Variants in EYS observed in about 807,000 individuals in gnomAD.
EYS encodes protein eyes shut homolog.
In EYS, 250 loss-of-function variants were observed where a neutral mutation model predicts 282.1. The observed-to-expected ratio is 0.89, with a 90% CI of 0.80 to 0.98. The LOEUF is 0.98. Among genes scored for constraint, EYS ranks in the 50% least tolerant of loss-of-function variants. The pLI, the probability that EYS is intolerant of heterozygous loss-of-function variation, is 0.00. For synonymous variants in EYS, 1,355 were observed against 1,282.9 expected, an observed-to-expected ratio of 1.06 and a Z score of -1.20; for missense variants, 4,016 against 3,709.0, an observed-to-expected ratio of 1.08 and a Z score of -2.15.
chr6:64,431,585 A>G (rs1028736307), intron 28 of EYS, among the ~76,000 whole-genome samples: 1 of 152,064 alleles, frequency 6.6e-6, no homozygotes, highest in Non-Finnish European at 1.5e-5. Flanking sequence ...AGGTTAGCCT[A>G]CCCTATTAAG....
chr6:64,457,514 T>C (rs967671046), intron 26 of EYS, among the ~76,000 whole-genome samples: 5 of 152,050 alleles, frequency 3.3e-5, no homozygotes, highest in African/African-American at 9.6e-5. Context: ...TTCGTATCTA[T>C]TGATATTTTC....
intron 8 of EYS, among the ~76,000 whole-genome samples, chr6:65,357,915 G>T (rs1042769177): frequency 1.3e-5 from 2 of 151,834 alleles, no homozygotes; most frequent in East Asian, 1.9e-4. Context: ...TGAGTCAAAC[G>T]TTATTTGTAT....
At chr6:64,986,176 G>T (rs1347302596) in intron 14 of EYS, among the ~76,000 whole-genome samples, 2 of 151,196 alleles carry the variant, frequency 1.3e-5, no homozygotes, top group Non-Finnish European at 3.0e-5. Flanking sequence ...TATAAGAAAA[G>T]AATAACGATT....
chr6:64,689,887 T>G lies in EYS; in HGVS notation c.3444-63642A>C, dbSNP rs749139531. 4.5e-4 allele frequency among the ~76,000 whole-genome samples: 68 copies of G among 152,240 alleles called. 1 individual carries two copies. The highest frequency in any genetic ancestry group is 8.1e-4 in the Non-Finnish European group (55 of 68,026). On this transcript the variant is annotated intron_variant, in intron 22 of 42. Transcript: ENST00000503581. ...ACCATAAAAACGCTGGAAGAAAACC[T>G]AAGCAATACCATTCAGGACACAGGC...
At chr6:65,442,916 A>G (rs937728621) in intron 5 of EYS, among the ~76,000 whole-genome samples, 1 of 109,780 alleles carries the variant, frequency 9.1e-6, no homozygotes, top group Non-Finnish European at 2.3e-5. Context: ...ACATGCACAT[A>G]CATATGTACA....
intron 35 of EYS, among the ~76,000 whole-genome samples, chr6:63,905,384 CG>C (rs1226420709): frequency 7.2e-6 from 1 of 139,382 alleles, no homozygotes; most frequent in African/African-American, 2.7e-5. Flanking sequence ...GGCTGGAGTG[CG>C]GTGGCACAAT....
intron 5 of EYS, among the ~76,000 whole-genome samples, chr6:65,407,931 T>C (rs950437105): frequency 6.6e-6 from 1 of 152,118 alleles, no homozygotes; most frequent in Non-Finnish European, 1.5e-5. Flanking sequence ...ACATTTGTCA[T>C]AGATGCTTTT....
intron 26 of EYS, among the ~76,000 whole-genome samples, chr6:64,579,017 AG>A (rs1765978343): frequency 6.6e-6 from 1 of 152,156 alleles, no homozygotes; most frequent in South Asian, 2.1e-4. Context: ...TCTATGTACA[AG>A]TGACTTACAT....
intron 2 of EYS, among the ~76,000 whole-genome samples, chr6:65,611,008 C>T (rs1765979799): frequency 6.6e-6 from 1 of 151,950 alleles, no homozygotes; most frequent in Non-Finnish European, 1.5e-5. Context: ...GCAATGTACT[C>T]ATATAAATTT....
intron 31 of EYS, among the ~76,000 whole-genome samples, chr6:64,102,630 G>A (rs550532184): frequency 2.6e-5 from 4 of 152,074 alleles, no homozygotes; most frequent in African/African-American, 7.2e-5. Flanking sequence ...ATCAAAATGA[G>A]TTTAGTATTT....
chr6:65,361,481 G>A (rs983955549), intron 8 of EYS, among the ~76,000 whole-genome samples: 17 of 117,710 alleles, frequency 1.4e-4, no homozygotes, highest in Non-Finnish European at 2.2e-4. Context: ...TCTTTCGTTC[G>A]TTCGTTCCTT....
rs1224010075 is a variant in EYS, at chr6:65,340,858, A to G, written c.1599+3180T>C. ...TAAATCCAAAGTTTCACAAAATCTCATTAAAATGCCCTCACTCTCAAGGCT... is the reference window on the plus strand; with the variant it reads ...TAAATCCAAAGTTTCACAAAATCTCGTTAAAATGCCCTCACTCTCAAGGCT... On this transcript the variant is annotated intron_variant, in intron 10 of 42. Transcript: ENST00000503581. 2.0e-5 allele frequency among the ~76,000 whole-genome samples: 3 copies of G among 151,028 alleles called. No individual in the cohort carries two copies. In the East Asian group the frequency reaches 5.8e-4, roughly 29 times the overall value.
intron 31 of EYS, among the ~76,000 whole-genome samples, chr6:64,116,780 A>C (rs1210686704): frequency 6.6e-6 from 1 of 151,030 alleles, no homozygotes; most frequent in South Asian, 2.1e-4. Context: ...GTTTATACTT[A>C]TATCAGACAA....
At chr6:65,617,875 C>T (rs1332595403) in intron 2 of EYS, among the ~76,000 whole-genome samples, 1 of 152,068 alleles carries the variant, frequency 6.6e-6, no homozygotes, top group Admixed American at 6.5e-5. Context: ...CTACAAAGGA[C>T]ATGAACTCAT....
intron 30 of EYS, among the ~76,000 whole-genome samples, chr6:64,303,990 A>G (rs576562387): frequency 2.5e-4 from 38 of 152,222 alleles, no homozygotes; most frequent in Non-Finnish European, 3.4e-4. Context: ...TCCTAAGACC[A>G]ACTTTTGATC....
At chr6:63,909,743 G>T (rs1017772101) in intron 35 of EYS, among the ~76,000 whole-genome samples, 1 of 152,164 alleles carries the variant, frequency 6.6e-6, no homozygotes, top group Non-Finnish European at 1.5e-5. Context: ...TAACTGGGGA[G>T]GTGTAAGAAA....
intron 31 of EYS, among the ~76,000 whole-genome samples, chr6:64,182,331 C>T (rs995887246): frequency 2.0e-5 from 3 of 152,034 alleles, no homozygotes; most frequent in African/African-American, 7.2e-5. Context: ...ATATTGCCTT[C>T]CTTTTTATTA....
intron 12 of EYS, among the ~76,000 whole-genome samples, chr6:65,151,549 T>C (rs1343987009): frequency 6.6e-6 from 1 of 152,000 alleles, no homozygotes; most frequent in Non-Finnish European, 1.5e-5. Flanking sequence ...TGCAGAAAGC[T>C]GTCTAACAGC....
At chr6:65,117,643 TAG>T (rs764904401) in intron 12 of EYS, among the ~76,000 whole-genome samples, 2 of 152,220 alleles carry the variant, frequency 1.3e-5, no homozygotes, top group Non-Finnish European at 2.9e-5. Context: ...CATTTAATAT[TAG>T]AGAGTTCAAC....
Sources: allele counts gnomAD v4.1 joint callset (sites outside exome capture counted in the v4.1 genomes callset), GRCh38; gene constraint gnomAD v4.1.1; transcripts MANE v1.5; gene names NCBI Gene and HGNC (gene_info 2026-07-23, HGNC 2026-07-21).